Variants in RAVER2 observed in about 807,000 individuals in gnomAD.
The protein encoded by RAVER2 is ribonucleoprotein, PTB binding 2, also known as ribonucleoprotein PTB-binding 2.
In RAVER2, 46 loss-of-function variants were observed where a neutral mutation model predicts 78.1. The ratio of observed to expected loss-of-function variants is 0.59; its 90% confidence interval spans 0.46 to 0.75. The LOEUF (loss-of-function observed/expected upper bound fraction) is 0.75, where lower values mean the gene tolerates loss of function less well. Among genes scored for constraint, RAVER2 ranks in the 30% least tolerant of loss-of-function variants. RAVER2 has a pLI of 0.00. For missense variants in RAVER2, 793 were observed against 837.5 expected (o/e 0.95, Z 0.66); for synonymous variants, 311 against 313.3 (o/e 0.99, Z 0.08).
intron 2 of RAVER2, among the ~76,000 whole-genome samples, chr1:64,770,516 C>T (rs189430939): frequency 6.6e-6 from 1 of 151,910 alleles, no homozygotes; most frequent in Non-Finnish European, 1.5e-5. Flanking sequence ...ACATCTGACA[C>T]CCAACAAAGT....
At chr1:64,791,071 A>G (rs1271827972) in intron 5 of RAVER2, among the ~76,000 whole-genome samples, 1 of 152,188 alleles carries the variant, frequency 6.6e-6, no homozygotes, top group Non-Finnish European at 1.5e-5. Context: ...GGAAAGCACT[A>G]TGCTTATGAA....
intron 11 of RAVER2, among the ~76,000 whole-genome samples, chr1:64,818,939 AAG>A (rs1653819286): frequency 1.3e-5 from 2 of 152,344 alleles, no homozygotes; most frequent in East Asian, 1.9e-4. Context: ...GAAAGGCTGA[AAG>A]AACTGAGAAG....
exon 11 of RAVER2, chr1:64,814,709 G>A: frequency 1.4e-6 from 2 of 1,454,532 alleles, no homozygotes; most frequent in Non-Finnish European, 1.8e-6. Context: ...TTTAGCCCCT[G>A]CAAGTAAAAC....
intron 1 of RAVER2, among the ~76,000 whole-genome samples, chr1:64,754,685 G>A (rs577101117): frequency 2.0e-5 from 3 of 152,162 alleles, no homozygotes; most frequent in Admixed American, 6.5e-5. Flanking sequence ...TTTCAAGGGG[G>A]TATGGATCTC....
intron 9 of RAVER2, among the ~76,000 whole-genome samples, chr1:64,810,462 CTT>C (rs1653573725): frequency 6.6e-6 from 1 of 152,094 alleles, no homozygotes; most frequent in South Asian, 2.1e-4. Flanking sequence ...CATGTCTCTT[CTT>C]ATAAGAGCAC....
At chr1:64,746,186 A>G (rs1020355366) in intron 1 of RAVER2, among the ~76,000 whole-genome samples, 16 of 152,088 alleles carry the variant, frequency 1.1e-4, no homozygotes, top group African/African-American at 3.9e-4. Context: ...CTGCATGCTC[A>G]TTGTAGGAGA....
intron 10 of RAVER2, 119 bp from the exon 11 acceptor site, chr1:64,814,585 A>G: frequency 1.8e-6 from 1 of 568,646 alleles, no homozygotes; most frequent in Non-Finnish European, 2.4e-6. Context: ...AATTTATAAT[A>G]AAATATAATT....
chr1:64,781,262 T>C, intron 3 of RAVER2, 118 bp from the exon 4 acceptor site: 1 of 900,628 alleles, frequency 1.1e-6, no homozygotes. Flanking sequence ...AAGAATATGT[T>C]ATTTCCACCA....
intron 1 of RAVER2, among the ~76,000 whole-genome samples, chr1:64,746,822 G>T (rs1178183184): frequency 2.0e-5 from 3 of 152,080 alleles, no homozygotes; most frequent in Non-Finnish European, 4.4e-5. Context: ...TACAAATAGA[G>T]GACTGTAAGG....
intron 4 of RAVER2, among the ~76,000 whole-genome samples, chr1:64,788,501 A>G (rs1652845161): frequency 6.7e-6 from 1 of 150,336 alleles, no homozygotes. Context: ...ACAATAATAA[A>G]GAAGATTTTG....
At chr1:64,805,034 C>T in exon 8 of RAVER2, 1 of 1,613,976 alleles carries the variant, frequency 6.2e-7, no homozygotes, top group Non-Finnish European at 8.5e-7. Flanking sequence ...GTACTTCAGA[C>T]TGCACTAGGG....
At chr1:64,815,121 T>C (rs913047463) in intron 11 of RAVER2, 1 of 199,742 alleles carries the variant, frequency 5.0e-6, no homozygotes, top group East Asian at 1.1e-4. Context: ...GTAAATAAAT[T>C]TGTATTGTAA....
intron 1 of RAVER2, among the ~76,000 whole-genome samples, chr1:64,747,902 T>C (rs1186756675): frequency 2.6e-5 from 4 of 152,190 alleles, no homozygotes; most frequent in African/African-American, 4.8e-5. Flanking sequence ...CTCTAGAAAA[T>C]ACTGATCAAT....
Position 64,804,973 on chromosome 1 carries a change from T to G in RAVER2, c.1297-18T>G. 1 of 1,611,114 alleles carries G rather than the reference T, an allele frequency of 6.2e-7. No homozygotes were observed. Among genetic ancestry groups the G allele is most frequent in the South Asian group, 1.1e-5 (1 of 90,940 alleles). On this transcript the variant is annotated intron_variant, in intron 7 of 11. Coordinates refer to ENST00000294428, the Ensembl canonical transcript of RAVER2. The stretch of plus-strand genomic sequence containing the variant: ...TATCTTATGGCCATGGGTCTTACCT[T>G]TTTTTCTTCTTTTGTAGAAACCCGG...
Position 64,814,755 on chromosome 1 carries a change from TG to T in RAVER2, c.1846del (p.Asp616MetfsTer32). The T allele has an allele frequency of 6.3e-7, 1 of 1,585,432 alleles. No homozygotes were observed. The highest frequency in any genetic ancestry group is 1.3e-5 in the African/African-American group (1 of 74,180). The stretch of plus-strand genomic sequence containing the variant: ...AAGACTGGAATTGCAAGCAGCATTC[TG>T]GATGCAATCTCTCAGGGAAGTGAAT... On this transcript the variant is annotated frameshift_variant, in exon 11 of 12. Coordinates refer to ENST00000294428, the Ensembl canonical transcript of RAVER2. LOFTEE classifies it high-confidence loss of function.
chr1:64,822,404 T>G (rs1296261584), intron 11 of RAVER2, among the ~76,000 whole-genome samples: 2 of 152,148 alleles, frequency 1.3e-5, no homozygotes, highest in African/African-American at 4.8e-5. Context: ...TGATAACAAA[T>G]GAAAAATTTA....
chr1:64,746,870 C>T (rs1651553497), intron 1 of RAVER2, among the ~76,000 whole-genome samples: 1 of 152,040 alleles, frequency 6.6e-6, no homozygotes, highest in African/African-American at 2.4e-5. Flanking sequence ...AAGCAGATGG[C>T]ATTTTTTAAA....
chr1:64,768,610 A>G (rs768853593), intron 1 of RAVER2, 46 bp from the exon 2 acceptor site: 38 of 1,192,160 alleles, frequency 3.2e-5, no homozygotes, highest in Non-Finnish European at 4.0e-5. Flanking sequence ...ATTATCTAGT[A>G]ACTGCATTTG....
Position 64,814,728 on chromosome 1 carries a change from A to G in RAVER2, c.1817A>G (p.His606Arg), listed in dbSNP as rs1160454929. Reference sequence around the variant, plus strand: ...GCCCCTGCAAGTAAAACCACTCTTCATAAGACTGGAATTGCAAGCAGCATT... The same window carrying G: ...GCCCCTGCAAGTAAAACCACTCTTCGTAAGACTGGAATTGCAAGCAGCATT... Residue 606 changes from histidine to arginine, a missense_variant, in exon 11 of 12, where the codon CAT becomes CGT. Transcript: ENST00000294428. 4.5e-6 allele frequency: 7 copies of G among 1,558,256 alleles called. No individual in the cohort carries two copies. Among genetic ancestry groups the G allele is most frequent in the African/African-American group, 1.4e-5 (1 of 73,212 alleles).
Sources: allele counts gnomAD v4.1 joint callset (sites outside exome capture counted in the v4.1 genomes callset), GRCh38; gene constraint gnomAD v4.1.1; transcripts MANE v1.5; gene names NCBI Gene and HGNC (gene_info 2026-07-23, HGNC 2026-07-21).